The following UBXN2B variants were observed in gnomAD, a reference collection of about 807,000 sequenced individuals.
UBXN2B encodes the protein UBX domain protein 2B.
UBXN2B carries 19 observed loss-of-function variants against 37.5 expected under a neutral mutation model. The ratio of observed to expected loss-of-function variants is 0.51; its 90% CI spans 0.35 to 0.74. The LOEUF is 0.74. UBXN2B is among the 30% of genes least tolerant of loss of function. UBXN2B has a pLI of 0.01. For synonymous variants in UBXN2B, 145 were observed against 143.8 expected (o/e 1.01, Z -0.06); for missense variants, 370 against 393.2 (o/e 0.94, Z 0.50).
chr8:58,415,836 A>G (rs1288754368), intron 1 of UBXN2B, among the ~76,000 whole-genome samples: 1 of 152,024 alleles, frequency 6.6e-6, no homozygotes. Context: ...ATGTTACTGA[A>G]TGTGGGAGGG....
chr8:58,432,846 G>A (rs1177619409), intron 3 of UBXN2B, among the ~76,000 whole-genome samples: 2 of 152,080 alleles, frequency 1.3e-5, no homozygotes, highest in South Asian at 4.1e-4. Flanking sequence ...GATGGCTTCA[G>A]GTATTATGGT....
intron 4 of UBXN2B, among the ~76,000 whole-genome samples, chr8:58,433,892 C>G (rs1213225985): frequency 6.6e-6 from 1 of 152,072 alleles, no homozygotes; most frequent in Non-Finnish European, 1.5e-5. Flanking sequence ...TAAAGTCATT[C>G]TTTGTTTCTG....
chr8:58,411,369 C>G lies in UBXN2B; in HGVS notation c.-17C>G. 7.9e-7 allele frequency: 1 copy of G among 1,269,780 alleles called. No individual in the cohort carries two copies. Among genetic ancestry groups the G allele is most frequent in the Non-Finnish European group, 1.0e-6 (1 of 1,004,896 alleles). 78.7% of individuals were successfully genotyped at this position (1,269,780 alleles called of 1,614,324 possible). On this transcript the variant is annotated 5_prime_UTR_variant, in exon 1 of 8. Coordinates refer to ENST00000399598, the MANE Select transcript of UBXN2B (RefSeq NM_001077619.2). ...GCGGCAGGTGCGTCCGCAGCGGGCGCCGCTAGCCAGCGGAAGATGGCGGAG... is the reference window on the plus strand; with the variant it reads ...GCGGCAGGTGCGTCCGCAGCGGGCGGCGCTAGCCAGCGGAAGATGGCGGAG...
chr8:58,429,586 T>G (rs1251264736), intron 2 of UBXN2B, among the ~76,000 whole-genome samples: 1 of 152,140 alleles, frequency 6.6e-6, no homozygotes, highest in East Asian at 1.9e-4. Context: ...TACTGCAAAG[T>G]GAGAGCTGGT....
At chr8:58,426,145 C>T in intron 2 of UBXN2B, 1 of 1,081,390 alleles carries the variant, frequency 9.2e-7, no homozygotes, top group Admixed American at 1.7e-5. Context: ...CCAACTCAGC[C>T]AAAGTGGAAA....
chr8:58,439,787 G>T lies in UBXN2B; in HGVS notation c.671+17G>T. The T allele has an allele frequency of 6.3e-7, 1 of 1,582,116 alleles. No individual in the cohort carries two copies. Among genetic ancestry groups the T allele is most frequent in the Admixed American group, 2.0e-5 (1 of 50,648 alleles). ...ACTTGGAAGGTAAAAATCCTAAAAT[G>T]AGAAAAATACCTTTGTTGAACATGA... On this transcript the variant is annotated intron_variant, in intron 6 of 7. Transcript: ENST00000399598.
At chr8:58,414,703 T>A (rs1049784338) in intron 1 of UBXN2B, among the ~76,000 whole-genome samples, 3 of 152,116 alleles carry the variant, frequency 2.0e-5, no homozygotes, top group African/African-American at 7.2e-5. Context: ...TGCCATATGA[T>A]GCCATATGGC....
rs769897142 is a variant in UBXN2B, at chr8:58,430,587, A to T, written c.257A>T (p.Asn86Ile). ...CGACCTTCAACTGGGAAAATTGTGA[A>T]TGAACTTTTCAAAGAGGCAAGGGAA... ...IVRPSTGKIV[N>I]ELFKEAREHG... The change falls in exon 3 of 8, where the codon AAT (asparagine) becomes ATT (isoleucine). Residue 86 changes from asparagine to isoleucine, a missense_variant. Coordinates refer to ENST00000399598, the MANE Select transcript of UBXN2B (RefSeq NM_001077619.2). 1 of 1,606,664 alleles carries T rather than the reference A, an allele frequency of 6.2e-7. No individual in the cohort carries two copies. Among genetic ancestry groups the T allele is most frequent in the Non-Finnish European group, 8.5e-7 (1 of 1,175,810 alleles).
intron 2 of UBXN2B, among the ~76,000 whole-genome samples, chr8:58,427,130 CA>C (rs1241785064): frequency 6.6e-6 from 1 of 152,116 alleles, no homozygotes; most frequent in African/African-American, 2.4e-5. Context: ...AGAAAGAAAT[CA>C]AGACAGGAAC....
Position 58,450,406 on chromosome 8 carries a change from T to C in UBXN2B, c.*2855T>C, listed in dbSNP as rs1488378626. 2 of 152,210 alleles carry C rather than the reference T, an allele frequency of 1.3e-5. No individual in the cohort carries two copies. Among genetic ancestry groups the C allele is most frequent in the African/African-American group, 4.8e-5 (2 of 41,458 alleles). The allele number at this position is 152,210 out of a possible 1,614,324, so 9.4% of individuals were successfully genotyped here. ...GCAGGACACAACTCAGCTTAGCTTT[T>C]CGCCACTATGTAACAAGGACTCCTT... is the stretch of plus-strand genomic sequence containing the variant. On this transcript the variant is annotated 3_prime_UTR_variant, in exon 8 of 8. Transcript: ENST00000399598.
intron 6 of UBXN2B, among the ~76,000 whole-genome samples, chr8:58,442,455 A>C (rs1808572072): frequency 6.6e-6 from 1 of 152,242 alleles, no homozygotes; most frequent in African/African-American, 2.4e-5. Context: ...CTGAGCAGGA[A>C]ATAAAAAGAA....
intron 2 of UBXN2B, among the ~76,000 whole-genome samples, chr8:58,422,067 T>A (rs1807940827): frequency 6.6e-6 from 1 of 152,062 alleles, no homozygotes; most frequent in Non-Finnish European, 1.5e-5. Context: ...GGAGAATGAG[T>A]CAATGTAACA....
At chr8:58,414,797 A>G (rs1434213071) in intron 1 of UBXN2B, among the ~76,000 whole-genome samples, 1 of 151,712 alleles carries the variant, frequency 6.6e-6, no homozygotes, top group Admixed American at 6.6e-5. Flanking sequence ...AGCCAGGTAG[A>G]CTCTTTAATA....
intron 7 of UBXN2B, among the ~76,000 whole-genome samples, chr8:58,446,880 C>T (rs1214053444): frequency 2.9e-5 from 4 of 139,456 alleles, no homozygotes; most frequent in Non-Finnish European, 4.6e-5. Context: ...CCACTACAAA[C>T]TCCGCCTTCC....
intron 2 of UBXN2B, chr8:58,426,001 T>TG (rs1808073576): frequency 2.1e-6 from 3 of 1,446,720 alleles, no homozygotes; most frequent in Non-Finnish European, 2.9e-6. Context: ...ATAATTTCTC[T>TG]GCTTCTTTCC....
At chr8:58,420,167 A>T (rs80220161) in intron 2 of UBXN2B, among the ~76,000 whole-genome samples, 3,197 of 152,292 alleles carry the variant, frequency 0.021, 67 homozygotes, top group East Asian at 0.11. Flanking sequence ...TTTTGTTTTC[A>T]TATAAGAAAA....
chr8:58,434,363 ATATATATT>A, intron 4 of UBXN2B, 24 bp from the exon 5 acceptor site: 6 of 584,430 alleles, frequency 1.0e-5, no homozygotes, highest in East Asian at 9.5e-5. Context: ...ATATATATAT[ATATATATT>A]TTTTTTTTTT....
At chr8:58,426,800 G>A (rs1476863786) in intron 2 of UBXN2B, 3 of 598,660 alleles carry the variant, frequency 5.0e-6, no homozygotes, top group Non-Finnish European at 9.4e-6. Flanking sequence ...GCGGGGCGGA[G>A]CCAGCCGACT....
chr8:58,425,019 A>T, intron 2 of UBXN2B: 1 of 782,142 alleles, frequency 1.3e-6, no homozygotes, highest in Non-Finnish European at 2.4e-6. Context: ...CTGGCCTTGC[A>T]TGCATGATGC....
Sources: gnomAD v4.1 joint callset for allele counts (sites outside exome capture counted in the v4.1 genomes callset) on GRCh38, gnomAD v4.1.1 for gene constraint, MANE v1.5 for transcripts, NCBI Gene and HGNC (gene_info 2026-07-23, HGNC 2026-07-21) for gene names.